Variants in TTN observed in about 807,000 individuals in gnomAD.
TTN encodes titin.
TTN carries 1,525 observed loss-of-function variants against 3,223.0 expected under a neutral mutation model. The observed-to-expected ratio is 0.47, with a 90% CI of 0.45 to 0.49. The LOEUF (loss-of-function observed/expected upper bound fraction) is 0.49, where lower values mean the gene tolerates loss of function less well. Ranked by LOEUF, TTN falls within the 20% of genes least tolerant of loss-of-function variation. The probability of loss-of-function intolerance (pLI) is 0.00; values close to 1 mark genes in which losing one functional copy is unlikely to be tolerated. For synonymous variants in TTN, 14,094 were observed against 15,161.0 expected (o/e 0.93, Z 5.17); for missense variants, 40,786 against 43,424.0 (o/e 0.94, Z 5.40).
rs756651625 is a variant in TTN at position 178,538,660 on chromosome 2, G to T, written c.99169C>A (p.Gln33057Lys). The T allele has an allele frequency of 3.1e-6, 5 of 1,613,728 alleles. No homozygotes were observed. In the South Asian group the frequency reaches 5.5e-5, roughly 18 times the overall value. The change falls in exon 354 of 363, where the codon CAA becomes AAA. Residue 33057 changes from glutamine to lysine, a missense_variant. Gln to Lys is a moderately conservative substitution (Grantham distance 53). Transcript: ENST00000589042. ...TCCAGCAAACCTCCTATTGTGAATT[G>T]CTTGTCCTTAATACGTTCCTTATTG... ...KSNKERIKDK[Q>K]FTIGGLLEAT...
At chr2:178,794,637 C>G (rs2093675277) in intron 7 of TTN, 86 bp from the exon 8 acceptor site, 1 of 1,549,920 alleles carries the variant, frequency 6.5e-7, no homozygotes, top group South Asian at 1.1e-5. Context: ...ACTGAGCCAC[C>G]TAGAGCAAAA....
chr2:178,770,590 A>C lies in TTN; in HGVS notation c.8202T>G (p.Asn2734Lys). ...AVFTVELTHP[N>K]VKGVQWIKNG... ...TTTTGATCCACTGGACACCTTTGAC[A>C]TTAGGGTGTGTAAGCTCGACAGTGA... The change falls in exon 35 of 363, where the codon AAT (asparagine) becomes AAG (lysine). Residue 2734 changes from asparagine to lysine, a missense_variant. Coordinates refer to ENST00000589042, the MANE Select transcript of TTN (RefSeq NM_001267550.2). The C allele has an allele frequency of 6.2e-7, 1 of 1,614,156 alleles. No individual in the cohort carries two copies. Among genetic ancestry groups the C allele is most frequent in the African/African-American group, 1.3e-5 (1 of 75,056 alleles).
Position 178,561,691 on chromosome 2 carries a change from A to C in TTN, c.84441T>G (p.Val28147=). 6.2e-7 allele frequency: 1 copy of C among 1,607,800 alleles called. No individual in the cohort carries two copies. The highest frequency in any genetic ancestry group is 8.5e-7 in the Non-Finnish European group (1 of 1,175,938). The part of the protein sequence containing the change: ...KSSYSESSAV[V]AEYPFSPPGP... ...CTGGGGGACTGAATGGATACTCTGC[A>C]ACAACAGCTGAAGATTCACTGTAGG... The change falls in exon 326 of 363, where the codon GTT becomes GTG. Residue 28147 remains valine (V), a synonymous_variant. Coordinates refer to ENST00000589042, the MANE Select transcript of TTN (RefSeq NM_001267550.2).
At position 178,599,210 on chromosome 2, in the gene TTN, G is replaced by C; in HGVS notation, c.56583C>G (p.Ala18861=). The change falls in exon 290 of 363, where the codon GCC becomes GCG. Residue 18861 remains alanine, a synonymous_variant. Coordinates refer to ENST00000589042, the MANE Select transcript of TTN (RefSeq NM_001267550.2). ...GTTCTCCAATGCCATATTTATTCTG[G>C]GCCATGATTCGGAATACATATTCAT... ...EGHEYVFRIM[A]QNKYGIGEPL... 1.3e-6 allele frequency: 2 copies of C among 1,520,744 alleles called. No homozygotes were observed. Among genetic ancestry groups the C allele is most frequent in the Non-Finnish European group, 1.8e-6 (2 of 1,138,968 alleles). The allele number at this position is 1,520,744 out of a possible 1,614,324, so 94.2% of individuals were successfully genotyped here. A position where few individuals can be genotyped will look rare whatever the true frequency, so the allele number is the denominator to read the frequency against.
intron 256 of TTN, 47 bp from the exon 257 acceptor site, chr2:178,616,677 T>G (rs2057403564): frequency 6.2e-7 from 1 of 1,611,802 alleles, no homozygotes. Context: ...TCTGAACTAA[T>G]ATTTGTTAAT....
At chr2:178,737,816 A>G (rs994142968) in intron 49 of TTN, 2 of 339,948 alleles carry the variant, frequency 5.9e-6, no homozygotes, top group Non-Finnish European at 5.3e-6. Context: ...TATGTTTTAT[A>G]TGAAGGGCCA....
rs1216835805 is a variant in TTN at position 178,664,166 on chromosome 2, T to A, written c.36281-68A>T. The A allele has an allele frequency of 2.7e-6, 4 of 1,463,212 alleles. No homozygotes were observed. The African/African-American group carries it at 5.7e-5, about 21-fold the overall frequency. 90.6% of individuals were successfully genotyped at this position (1,463,212 alleles called of 1,614,324 possible). On this transcript the variant is annotated intron_variant, in intron 168 of 362. Transcript: ENST00000589042. ...TTACTAGATAGATACAAAGACATTT[T>A]CAAGAACAAAAGAGCTATTTTTTTC... is the stretch of plus-strand genomic sequence containing the variant.
In TTN at chr2:178,718,327, A is replaced by G; in HGVS notation, c.24779T>C (p.Val8260Ala). ...AGAGGTAGCTGTCAACACACCTAAG[A>G]CAGACACCAGAGCTTCACAGATATC... ...GQDICEALVS[V>A]LEPPYFIEPL... The change falls in exon 85 of 363, where the codon GTC becomes GCC. Residue 8260 changes from valine to alanine, a missense_variant. Transcript: ENST00000589042. 1 of 1,613,002 alleles carries G rather than the reference A, an allele frequency of 6.2e-7. No individual in the cohort carries two copies. The highest frequency in any genetic ancestry group is 8.5e-7 in the Non-Finnish European group (1 of 1,179,254).
At chr2:178,620,655 T>C in intron 247 of TTN, 30 bp from the exon 248 acceptor site, 1 of 1,600,852 alleles carries the variant, frequency 6.2e-7, no homozygotes, top group Non-Finnish European at 8.5e-7. Flanking sequence ...TATGTTGATT[T>C]TAATTATTTT....
intron 1 of TTN, among the ~76,000 whole-genome samples, chr2:178,806,933 A>T (rs765989953): frequency 1.3e-5 from 2 of 152,252 alleles, no homozygotes; most frequent in Non-Finnish European, 2.9e-5. Flanking sequence ...CATTTCTCTC[A>T]ACATTTCAGA....
Position 178,540,191 on chromosome 2 carries a change from C to T in TTN, c.97975G>A (p.Glu32659Lys). ...TGAGGTAGGTGTGTTAGAGTATACTCTCGAATCTTGGTTGGAGTGGTGTTA... is the reference window on the plus strand; with the variant it reads ...TGAGGTAGGTGTGTTAGAGTATACTTTCGAATCTTGGTTGGAGTGGTGTTA... ...KCNTTPTKIREYTLTHLPQGA... is the reference protein window; with the variant it reads ...KCNTTPTKIRKYTLTHLPQGA... The change falls in exon 351 of 363, where the codon GAG becomes AAG. Residue 32659 changes from glutamate (E) to lysine (K), a missense_variant. Glu to Lys is a moderately conservative substitution (Grantham distance 56). Transcript: ENST00000589042. 1.2e-6 allele frequency: 2 copies of T among 1,613,852 alleles called. No individual in the cohort carries two copies. The highest frequency in any genetic ancestry group is 8.5e-7 in the Non-Finnish European group (1 of 1,179,786).
In TTN at chr2:178,664,695, A is replaced by G. The variant is rs1411763521; in HGVS notation, c.36161T>C (p.Leu12054Pro). Residue 12054 changes from leucine to proline, a missense_variant, in exon 167 of 363, where the codon CTT becomes CCT. Leu to Pro is a moderately conservative substitution (Grantham distance 98). Coordinates refer to ENST00000589042, the MANE Select transcript of TTN (RefSeq NM_001267550.2). ...LQEIVPEKKT[L>P]VVPLRKPEVL... Reference sequence around the variant, plus strand: ...TTCAGGCTTTCTGAGAGGAACCACAAGCGTTTTCTTTTCAGGGACAATTTC... The same window carrying G: ...TTCAGGCTTTCTGAGAGGAACCACAGGCGTTTTCTTTTCAGGGACAATTTC... 6.2e-7 allele frequency: 1 copy of G among 1,612,456 alleles called. No individual in the cohort carries two copies. Among genetic ancestry groups the G allele is most frequent in the Non-Finnish European group, 8.5e-7 (1 of 1,179,688 alleles).
intron 119 of TTN, 122 bp downstream of exon 119, chr2:178,693,487 A>G: frequency 1.6e-6 from 1 of 634,796 alleles, no homozygotes; most frequent in Non-Finnish European, 2.5e-6. Context: ...CTTTGTACAT[A>G]GTGGCTATAG....
At chr2:178,796,129 C>T (rs1381225251) in intron 6 of TTN, among the ~76,000 whole-genome samples, 10 of 152,010 alleles carry the variant, frequency 6.6e-5, no homozygotes, top group African/African-American at 1.4e-4. Context: ...GTGCTAAATC[C>T]CAGCACTGAT....
In TTN at chr2:178,564,902, C is replaced by T. The variant is rs866460539; in HGVS notation, c.81230G>A (p.Gly27077Glu). 2 of 1,612,266 alleles carry T rather than the reference C, an allele frequency of 1.2e-6. No homozygotes were observed. The highest frequency in any genetic ancestry group is 1.7e-6 in the Non-Finnish European group (2 of 1,179,294). ...TGAGATTGATGTCACAAAAGGAGTT[C>T]CAGGTGGTCCAGGTTCTTTAAATGG... ...QYPFKEPGPP[G>E]TPFVTSISKD... is the part of the protein sequence containing the mutation. The change falls in exon 326 of 363, where the codon GGA becomes GAA. Residue 27077 changes from glycine to glutamate, a missense_variant. Physicochemically the swap from Gly to Glu is moderately conservative, Grantham distance 98 (BLOSUM62 -2). Coordinates refer to ENST00000589042, the MANE Select transcript of TTN (RefSeq NM_001267550.2).
chr2:178,528,537 G>A lies in TTN; in HGVS notation c.107214C>T (p.Asn35738=). ...EPSPEIEWFK[N]NLPISISSNV... ...TCATAATTAAACTTACTGGCAGGTT[G>A]TTTTTAAACCATTCGATTTCAGGGG... The change falls in exon 360 of 363, where the codon AAC becomes AAT. Residue 35738 remains asparagine, a synonymous_variant. Transcript: ENST00000589042. 1 of 1,606,930 alleles carries A rather than the reference G, an allele frequency of 6.2e-7. No individual in the cohort carries two copies.
intron 29 of TTN, 132 bp from the exon 30 acceptor site, chr2:178,774,605 G>C: frequency 1.3e-6 from 1 of 797,916 alleles, no homozygotes; most frequent in Non-Finnish European, 1.9e-6. Context: ...TCTACCCGCT[G>C]ATGGGCTGAG....
chr2:178,575,748 C>T lies in TTN; in HGVS notation c.70384G>A (p.Asp23462Asn). 2 of 1,613,538 alleles carry T rather than the reference C, an allele frequency of 1.2e-6. No homozygotes were observed. The highest frequency in any genetic ancestry group is 2.2e-5 in the South Asian group (2 of 91,068). The change falls in exon 326 of 363, where the codon GAT (aspartate) becomes AAT (asparagine). Residue 23462 changes from aspartate to asparagine, a missense_variant. Asp to Asn is a conservative substitution (Grantham distance 23). Transcript: ENST00000589042. The surrounding 1 kb of genome is among the most constrained non-coding windows in gnomAD (Gnocchi z 4.0). ...TAGTTTGTTATACGTGAGCCTCCAT[C>T]TATCAGAGGGAGGTCCCAGTGCAGG... ...VTLHWDLPLI[D>N]GGSRITNYIV... is the part of the protein sequence containing the mutation.
At position 178,602,064 on chromosome 2, in the gene TTN, T is replaced by C; in HGVS notation, c.55207A>G (p.Lys18403Glu). 6.2e-7 allele frequency: 1 copy of C among 1,612,804 alleles called. No homozygotes were observed. Residue 18403 changes from lysine (K) to glutamate (E), a missense_variant, in exon 284 of 363, where the codon AAG becomes GAG. Physicochemically the swap from Lys to Glu is moderately conservative, Grantham distance 56. Transcript: ENST00000589042. ...GSQIRIPAVI[K>E]GRPTPKSSWE... is the part of the protein sequence containing the mutation. Reference sequence around the variant, plus strand: ...GATGATTTTGGTGTTGGGCGTCCCTTGATGACAGCAGGAATCCTAATCTGT... The same window carrying C: ...GATGATTTTGGTGTTGGGCGTCCCTCGATGACAGCAGGAATCCTAATCTGT...
Sources: gnomAD v4.1 joint callset for allele counts (sites outside exome capture counted in the v4.1 genomes callset) on GRCh38, gnomAD v4.1.1 for gene constraint, Gnocchi (gnomAD v3.1) non-coding constraint, MANE v1.5 for transcripts, NCBI Gene and HGNC (gene_info 2026-07-23, HGNC 2026-07-21) for gene names.